The following FBXO16 variants were observed in gnomAD, a reference collection of about 807,000 sequenced individuals.
FBXO16 encodes F-box only protein 16.
FBXO16 carries 31 observed loss-of-function variants against 41.0 expected under a neutral mutation model. The ratio of observed to expected loss-of-function variants is 0.76; its 90% CI spans 0.57 to 1.02. FBXO16 has a LOEUF of 1.02. Ranked by LOEUF, FBXO16 falls within the 50% of genes least tolerant of loss-of-function variation. The probability of loss-of-function intolerance (pLI) is 0.00; values close to 1 mark genes in which losing one functional copy is unlikely to be tolerated. For synonymous variants in FBXO16, 133 were observed against 117.8 expected, an observed-to-expected ratio of 1.13 and a Z score of -0.84; for missense variants, 361 against 346.2, an observed-to-expected ratio of 1.04 and a Z score of -0.34.
chr8:28,478,212 A>G (rs1803453195), intron 2 of FBXO16, among the ~76,000 whole-genome samples: 1 of 152,192 alleles, frequency 6.6e-6, no homozygotes, highest in Admixed American at 6.5e-5. Context: ...TAAAATACAT[A>G]TTATCTTGAG....
intron 3 of FBXO16, among the ~76,000 whole-genome samples, chr8:28,466,449 A>T (rs920441725): frequency 7.2e-5 from 11 of 151,974 alleles, no homozygotes; most frequent in Admixed American, 5.2e-4. Context: ...GTGTTCCCTG[A>T]CATCTCCTAG....
At chr8:28,459,958 G>T (rs1039889349) in intron 4 of FBXO16, among the ~76,000 whole-genome samples, 3 of 151,568 alleles carry the variant, frequency 2.0e-5, no homozygotes, top group Middle Eastern at 6.8e-3. Flanking sequence ...CCCGGGAGGC[G>T]GAGGTTGCAG....
intron 7 of FBXO16, among the ~76,000 whole-genome samples, chr8:28,432,616 G>A (rs1253734829): frequency 2.0e-5 from 3 of 152,168 alleles, no homozygotes; most frequent in African/African-American, 4.8e-5. Context: ...CATTTTCAAC[G>A]TTTGCTTTCA....
intron 3 of FBXO16, among the ~76,000 whole-genome samples, chr8:28,466,400 AC>A (rs1328863385): frequency 1.3e-5 from 2 of 152,010 alleles, no homozygotes; most frequent in Non-Finnish European, 2.9e-5. Context: ...AAAAACTTTA[AC>A]TGCGAAGACT....
chr8:28,473,228 T>C (rs1330521712), intron 3 of FBXO16, among the ~76,000 whole-genome samples: 2 of 152,238 alleles, frequency 1.3e-5, no homozygotes, highest in African/African-American at 2.4e-5. Context: ...TCTGTTTTCC[T>C]GACCAAATCC....
At chr8:28,451,680 T>C (rs1802955642) in intron 6 of FBXO16, among the ~76,000 whole-genome samples, 1 of 152,022 alleles carries the variant, frequency 6.6e-6, no homozygotes, top group Admixed American at 6.6e-5. Flanking sequence ...GACTGCAATT[T>C]AATATTAAAA....
intron 7 of FBXO16, among the ~76,000 whole-genome samples, chr8:28,430,966 C>T (rs1802597052): frequency 6.6e-6 from 1 of 151,948 alleles, no homozygotes; most frequent in African/African-American, 2.4e-5. Flanking sequence ...AGTGAAACTC[C>T]ATCTCAAAAA....
chr8:28,446,803 C>T (rs1445204402), intron 7 of FBXO16, among the ~76,000 whole-genome samples: 1 of 151,926 alleles, frequency 6.6e-6, no homozygotes, highest in Non-Finnish European at 1.5e-5. Context: ...CCCCAGGAGG[C>T]GGAGGTTGCA....
chr8:28,465,795 T>C (rs1417256751), intron 3 of FBXO16, among the ~76,000 whole-genome samples: 1 of 150,388 alleles, frequency 6.6e-6, no homozygotes, highest in Non-Finnish European at 1.5e-5. Context: ...TGGGTTTTTG[T>C]TGTTGTTGTT....
At chr8:28,471,082 G>C (rs1803327058) in intron 3 of FBXO16, among the ~76,000 whole-genome samples, 1 of 152,130 alleles carries the variant, frequency 6.6e-6, no homozygotes, top group Non-Finnish European at 1.5e-5. Context: ...TTTTCTAACA[G>C]GGATTGAAGG....
At chr8:28,466,314 T>TA (rs1803238819) in intron 3 of FBXO16, among the ~76,000 whole-genome samples, 1 of 152,212 alleles carries the variant, frequency 6.6e-6, no homozygotes, top group Non-Finnish European at 1.5e-5. Context: ...ACTATAGATT[T>TA]ATTCTATGAC....
chr8:28,446,102 A>G (rs556246248), intron 7 of FBXO16, among the ~76,000 whole-genome samples: 22 of 151,272 alleles, frequency 1.5e-4, no homozygotes, highest in African/African-American at 4.6e-4. Flanking sequence ...TAGGTAGTCA[A>G]TTCGCTGTTT....
chr8:28,446,176 CT>C (rs11421643), intron 7 of FBXO16, among the ~76,000 whole-genome samples: 1,024 of 83,030 alleles, frequency 0.012, 5 homozygotes, highest in African/African-American at 0.043. Context: ...TGCATTTTTC[CT>C]TTTTTTTTTT....
intron 7 of FBXO16, among the ~76,000 whole-genome samples, chr8:28,439,738 C>T (rs1802737237): frequency 6.6e-6 from 1 of 150,620 alleles, no homozygotes; most frequent in South Asian, 2.1e-4. Context: ...AGAGTGAGAC[C>T]CTGTCTCAAA....
rs555171729 is a variant in FBXO16, at chr8:28,463,199, T to C, written c.342+413A>G. The stretch of plus-strand genomic sequence containing the variant: ...GTGTGTATATGTGTGTATGTTTGTG[T>C]ATGTGTTTGTGTGTTTATGTGTGTC... On this transcript the variant is annotated intron_variant, in intron 4 of 8. Transcript: ENST00000380254. Among the ~76,000 whole-genome samples, 70 of 150,588 alleles carry C rather than the reference T, an allele frequency of 4.6e-4. No homozygotes were observed. The East Asian group carries it at 0.01, about 22-fold the overall frequency.
At chr8:28,488,285 T>C (rs1204199385) in intron 1 of FBXO16, among the ~76,000 whole-genome samples, 1 of 150,034 alleles carries the variant, frequency 6.7e-6, no homozygotes, top group African/African-American at 2.4e-5. Flanking sequence ...CAATTTGATC[T>C]TCTAAGCCTT....
At position 28,456,836 on chromosome 8, in the gene FBXO16, G is replaced by A. The variant is rs775200842; in HGVS notation, c.437C>T (p.Pro146Leu). The change falls in exon 5 of 9, where the codon CCC becomes CTC. Residue 146 changes from proline (P) to leucine (L), a missense_variant. Coordinates refer to ENST00000380254, the MANE Select transcript of FBXO16 (RefSeq NM_172366.4). The stretch of plus-strand genomic sequence containing the variant: ...CTTCTTCCAGATCCCCTGCTCAAAG[G>A]GAGTTGGAGAGAAATTGATGTACCA... ...FNWYINFSPT[P>L]FEQGIWKKHY... The A allele has an allele frequency of 2.5e-6, 4 of 1,614,092 alleles. No individual in the cohort carries two copies. In the South Asian group the frequency reaches 3.3e-5, roughly 13 times the overall value.
At chr8:28,448,068 G>A (rs566259426) in intron 6 of FBXO16, among the ~76,000 whole-genome samples, 27 of 152,284 alleles carry the variant, frequency 1.8e-4, no homozygotes, top group Non-Finnish European at 3.1e-4. Flanking sequence ...AGCTGGGCAC[G>A]GTGACTCATG....
At chr8:28,482,098 A>C (rs1482128088) in intron 2 of FBXO16, among the ~76,000 whole-genome samples, 1 of 152,062 alleles carries the variant, frequency 6.6e-6, no homozygotes, top group African/African-American at 2.4e-5. Flanking sequence ...CGTTCATGCC[A>C]CTCGCTGCTT....
Sources: allele counts gnomAD v4.1 joint callset (sites outside exome capture counted in the v4.1 genomes callset), GRCh38; gene constraint gnomAD v4.1.1; transcripts MANE v1.5; gene names NCBI Gene and HGNC (gene_info 2026-07-23, HGNC 2026-07-21).